The following SLC22A23 variants were observed in gnomAD, a reference collection of about 807,000 sequenced individuals.
SLC22A23 encodes solute carrier family 22 member 23, also known as ion transporter protein.
SLC22A23 carries 26 observed loss-of-function variants against 61.0 expected under a neutral mutation model. The ratio of observed to expected loss-of-function variants is 0.43; its 90% confidence interval spans 0.31 to 0.59. SLC22A23 has a LOEUF of 0.59. Ranked by LOEUF, SLC22A23 falls within the 20% of genes least tolerant of loss-of-function variation. SLC22A23 has a pLI of 0.11. For missense variants in SLC22A23, 796 were observed against 934.7 expected (o/e 0.85, Z 1.94); for synonymous variants, 430 against 413.9 (o/e 1.04, Z -0.47).
chr6:3,370,453 G>T (rs913205139), intron 3 of SLC22A23, among the ~76,000 whole-genome samples: 1 of 152,256 alleles, frequency 6.6e-6, no homozygotes, highest in Non-Finnish European at 1.5e-5. Flanking sequence ...AGGCTCACTC[G>T]CACTGGAGAC....
intron 3 of SLC22A23, among the ~76,000 whole-genome samples, chr6:3,402,101 C>T (rs954885747): frequency 5.9e-5 from 9 of 152,170 alleles, no homozygotes; most frequent in Admixed American, 4.6e-4. Flanking sequence ...TCACCCTTCT[C>T]CCCATTCCTC....
At position 3,299,998 on chromosome 6, in the gene SLC22A23, C is replaced by CTTTTTTT. The variant is rs869114176; in HGVS notation, c.1083-1787_1083-1781dup. Among the ~76,000 whole-genome samples, 262 of 78,798 alleles carry CTTTTTTT rather than the reference C, an allele frequency of 3.3e-3. 51 individuals carry two copies. In the East Asian group the frequency reaches 0.041, roughly 12 times the overall value. 51.7% of individuals were successfully genotyped at this position (78,798 alleles called of 152,430 possible). A position where few individuals can be genotyped will look rare whatever the true frequency, so the allele number is the denominator to read the frequency against. ...ACCTGCTTTGCAAGCTCAGGATAGA[C>CTTTTTTT]TTTTTTTTTTTTTTTTTTTTTTTTT... On this transcript the variant is annotated intron_variant, in intron 4 of 9. Coordinates refer to ENST00000406686, the MANE Select transcript of SLC22A23 (RefSeq NM_015482.2).
chr6:3,337,704 G>A lies in SLC22A23; in HGVS notation c.914-13702C>T, dbSNP rs1285784558. 2.0e-5 allele frequency among the ~76,000 whole-genome samples: 3 copies of A among 152,170 alleles called. No individual in the cohort carries two copies. The East Asian group carries it at 5.8e-4, about 29-fold the overall frequency. On this transcript the variant is annotated intron_variant, in intron 3 of 9. Coordinates refer to ENST00000406686, the MANE Select transcript of SLC22A23 (RefSeq NM_015482.2). ...CAAGGACAGCCTGGTGTGGCGACAG[G>A]CTCGCAGAGGCCACAGGCTGGGCTC...
rs1762997114 is a variant in SLC22A23, at chr6:3,322,218, T to C, written c.1082+1616A>G. Among the ~76,000 whole-genome samples the C allele has an allele frequency of 6.6e-6, 1 of 152,132 alleles. No homozygotes were observed. The highest frequency in any genetic ancestry group is 2.1e-4 in the South Asian group (1 of 4,832). ...GCTGAGATATGAGGGTGGAACCATT[T>C]ACTATTGCAAAGTGCTTGTCGTCTG... On this transcript the variant is annotated intron_variant, in intron 4 of 9. Transcript: ENST00000406686. This position sits in a 1 kb window ranked among gnomAD's most constrained non-coding sequence, Gnocchi z 4.1.
chr6:3,277,562 T>A (rs1436746628), intron 9 of SLC22A23, among the ~76,000 whole-genome samples: 1 of 152,192 alleles, frequency 6.6e-6, no homozygotes, highest in Non-Finnish European at 1.5e-5. Flanking sequence ...GCACTTCCCC[T>A]GCATCCTCAG....
chr6:3,438,537 T>C (rs1250294079), intron 1 of SLC22A23: 3 of 456,616 alleles, frequency 6.6e-6, no homozygotes, highest in Non-Finnish European at 1.3e-5. Flanking sequence ...AGAGCTCCAG[T>C]TTCCTGCTGC....
chr6:3,324,233 C>T lies in SLC22A23; in HGVS notation c.914-231G>A, dbSNP rs879611939. 57 of 552,402 alleles carry T rather than the reference C, an allele frequency of 1.0e-4. No homozygotes were observed. The highest frequency in any genetic ancestry group is 1.5e-4 in the Non-Finnish European group (45 of 309,820). The allele number at this position is 552,402 out of a possible 1,614,324, so 34.2% of individuals were successfully genotyped here. On this transcript the variant is annotated intron_variant, in intron 3 of 9. Coordinates refer to ENST00000406686, the MANE Select transcript of SLC22A23 (RefSeq NM_015482.2). The surrounding 1 kb of genome is among the most constrained non-coding windows in gnomAD (Gnocchi z 4.3). ...TCAAGGCCACAGGGCTAGTCGATGA[C>T]GAAGGGATGCTATAATTCAGAGGAG... is the stretch of plus-strand genomic sequence containing the variant.
rs375006862 is a variant in SLC22A23 at position 3,275,916 on chromosome 6, A to C, written c.1704-2504T>G. On this transcript the variant is annotated intron_variant, in intron 9 of 9. Coordinates refer to ENST00000406686, the MANE Select transcript of SLC22A23 (RefSeq NM_015482.2). Reference sequence around the variant, plus strand: ...AAAAGAAGACAGATAATCCAGTAAAAAGATGGGCAGGCCAGACACAGTGGC... The same window carrying C: ...AAAAGAAGACAGATAATCCAGTAAACAGATGGGCAGGCCAGACACAGTGGC... Among the ~76,000 whole-genome samples, 3 of 152,350 alleles carry C rather than the reference A, an allele frequency of 2.0e-5. No individual in the cohort carries two copies. The East Asian group carries it at 5.8e-4, about 29-fold the overall frequency.
intron 1 of SLC22A23, among the ~76,000 whole-genome samples, chr6:3,448,475 C>T (rs1435278342): frequency 2.0e-5 from 3 of 149,294 alleles, no homozygotes; most frequent in Admixed American, 2.0e-4. Flanking sequence ...TTCAGAAAGT[C>T]CACCATGTTT....
intron 3 of SLC22A23, among the ~76,000 whole-genome samples, chr6:3,348,733 C>G (rs541270669): frequency 6.6e-6 from 1 of 152,330 alleles, no homozygotes; most frequent in African/African-American, 2.4e-5. Flanking sequence ...AACTAGCAAA[C>G]TGTCCAAGGA....
rs562826663 is a variant in SLC22A23 at position 3,329,597 on chromosome 6, G to T, written c.914-5595C>A. On this transcript the variant is annotated intron_variant, in intron 3 of 9. Coordinates refer to ENST00000406686, the MANE Select transcript of SLC22A23 (RefSeq NM_015482.2). The surrounding 1 kb of genome is among the most constrained non-coding windows in gnomAD (Gnocchi z 4.8). ...AGAGGTGGGGGTTAGATTCCTCCCC[G>T]GCCTCTGCTGGGCGGTGTGAAGTTA... Among the ~76,000 whole-genome samples, 1 of 152,192 alleles carries T rather than the reference G, an allele frequency of 6.6e-6. No homozygotes were observed. The highest frequency in any genetic ancestry group is 1.5e-5 in the Non-Finnish European group (1 of 68,032).
rs747789342 is a variant in SLC22A23 at position 3,410,737 on chromosome 6, T to C, written c.759-395A>G. Among the ~76,000 whole-genome samples, 3 of 152,188 alleles carry C rather than the reference T, an allele frequency of 2.0e-5. No individual in the cohort carries two copies. Among genetic ancestry groups the C allele is most frequent in the Non-Finnish European group, 4.4e-5 (3 of 68,038 alleles). On this transcript the variant is annotated intron_variant, in intron 2 of 9. Transcript: ENST00000406686. This position sits in a 1 kb window ranked among gnomAD's most constrained non-coding sequence, Gnocchi z 5.0. ...TTGAGAAATCGTTGACCTTTGGGAT[T>C]GGATCAAAAGTCAACATGGTCACCA...
In SLC22A23 at chr6:3,410,364, G is replaced by T. The variant is rs532254376; in HGVS notation, c.759-22C>A. Reference sequence around the variant, plus strand: ...GACCCTGCATATGGAGAGGGAAAAAGTTAGGAATCATTGTGAAACAAGACA... The same window carrying T: ...GACCCTGCATATGGAGAGGGAAAAATTTAGGAATCATTGTGAAACAAGACA... On this transcript the variant is annotated intron_variant, in intron 2 of 9. Transcript: ENST00000406686. The surrounding 1 kb of genome is among the most constrained non-coding windows in gnomAD (Gnocchi z 5.0). 53 of 1,563,082 alleles carry T rather than the reference G, an allele frequency of 3.4e-5. No individual in the cohort carries two copies. In the South Asian group the frequency reaches 5.2e-4, roughly 15 times the overall value.
intron 1 of SLC22A23, among the ~76,000 whole-genome samples, chr6:3,432,935 C>G (rs891855885): frequency 6.6e-6 from 1 of 152,208 alleles, no homozygotes; most frequent in Non-Finnish European, 1.5e-5. Context: ...TTCTGCAGAG[C>G]AGGTTCCATC....
intron 4 of SLC22A23, among the ~76,000 whole-genome samples, chr6:3,307,528 C>T (rs772886997): frequency 8.5e-5 from 13 of 152,236 alleles, no homozygotes; most frequent in South Asian, 4.1e-4. Context: ...TCCCTCCTCA[C>T]GGAGCCCTGC....
intron 1 of SLC22A23, among the ~76,000 whole-genome samples, chr6:3,453,393 G>A (rs1252193702): frequency 2.0e-5 from 3 of 152,146 alleles, no homozygotes; most frequent in Non-Finnish European, 4.4e-5. Flanking sequence ...CCTTTCCATC[G>A]ATGGAAGTGT....
chr6:3,309,470 A>T lies in SLC22A23; in HGVS notation c.1083-11252T>A, dbSNP rs1435405844. 1.3e-5 allele frequency among the ~76,000 whole-genome samples: 2 copies of T among 152,222 alleles called. No individual in the cohort carries two copies. Among genetic ancestry groups the T allele is most frequent in the Non-Finnish European group, 2.9e-5 (2 of 68,044 alleles). Reference sequence around the variant, plus strand: ...ATCCTAGCTGAGAAAGCCCCAGGCCACTAACGCTGGGCAGAGGCCTCAGAG... The same window carrying T: ...ATCCTAGCTGAGAAAGCCCCAGGCCTCTAACGCTGGGCAGAGGCCTCAGAG... On this transcript the variant is annotated intron_variant, in intron 4 of 9. Transcript: ENST00000406686. The surrounding 1 kb of genome is among the most constrained non-coding windows in gnomAD (Gnocchi z 4.7).
At chr6:3,278,130 A>C (rs557530327) in intron 9 of SLC22A23, among the ~76,000 whole-genome samples, 2 of 152,208 alleles carry the variant, frequency 1.3e-5, no homozygotes, top group Non-Finnish European at 2.9e-5. Flanking sequence ...AAACCATAAG[A>C]TAGTAGATGC....
At chr6:3,331,639 C>T (rs769924542) in intron 3 of SLC22A23, among the ~76,000 whole-genome samples, 2 of 152,170 alleles carry the variant, frequency 1.3e-5, no homozygotes, top group African/African-American at 2.4e-5. Flanking sequence ...TTCTTTAAAA[C>T]TAACATTATA....
Sources: allele counts gnomAD v4.1 joint callset (sites outside exome capture counted in the v4.1 genomes callset), GRCh38; gene constraint gnomAD v4.1.1; non-coding constraint Gnocchi (gnomAD v3.1); transcripts MANE v1.5; gene names NCBI Gene and HGNC (gene_info 2026-07-23, HGNC 2026-07-21).